USP34: variants seen among roughly 807,000 people sequenced by gnomAD.
The protein encoded by USP34 is ubiquitin specific peptidase 34.
USP34 carries 70 observed loss-of-function variants against 460.3 expected under a neutral mutation model. The ratio of observed to expected loss-of-function variants is 0.15; its 90% CI spans 0.13 to 0.19. USP34 has a LOEUF of 0.19. Ranked by LOEUF, USP34 falls within the 10% of genes least tolerant of loss-of-function variation. The probability of loss-of-function intolerance (pLI) is 1.00; values close to 1 mark genes in which losing one functional copy is unlikely to be tolerated. For missense variants in USP34, 3,985 were observed against 4,236.2 expected (o/e 0.94, Z 1.65); for synonymous variants, 1,647 against 1,405.3 (o/e 1.17, Z -3.85).
intron 35 of USP34, 68 bp downstream of exon 35, chr2:61,284,807 A>T: frequency 7.7e-7 from 1 of 1,306,024 alleles, no homozygotes; most frequent in Non-Finnish European, 1.0e-6. Context: ...GAATTTTTCA[A>T]AATAAAGTTT....
chr2:61,207,494 A>C (rs1687153270), intron 70 of USP34: 1 of 152,386 alleles, frequency 6.6e-6, no homozygotes, highest in Admixed American at 6.5e-5. Flanking sequence ...CCACAGTTCA[A>C]ATGTTAAAAT....
chr2:61,369,059 A>G (rs1281873527), intron 10 of USP34, among the ~76,000 whole-genome samples: 5 of 152,212 alleles, frequency 3.3e-5, no homozygotes, highest in Non-Finnish European at 7.3e-5. Flanking sequence ...GCTCTTAAAC[A>G]CAAGATTTGC....
intron 1 of USP34, among the ~76,000 whole-genome samples, chr2:61,459,013 C>T (rs1435428420): frequency 2.6e-5 from 4 of 152,086 alleles, no homozygotes; most frequent in Admixed American, 1.3e-4. Flanking sequence ...TTGCAGTGAG[C>T]CGAGACTGCG....
chr2:61,205,860 A>G (rs988925749), intron 72 of USP34, among the ~76,000 whole-genome samples, 157 bp downstream of exon 72: 1 of 152,216 alleles, frequency 6.6e-6, no homozygotes, highest in Non-Finnish European at 1.5e-5. Flanking sequence ...GCCAGTTAAG[A>G]AATTTTCTTT....
At chr2:61,468,245 G>A (rs1401661837) in intron 1 of USP34, among the ~76,000 whole-genome samples, 2 of 152,216 alleles carry the variant, frequency 1.3e-5, no homozygotes, top group African/African-American at 4.8e-5. Context: ...GAGTGCAATG[G>A]CACAATCTCG....
chr2:61,465,754 G>T (rs1304517575), intron 1 of USP34, among the ~76,000 whole-genome samples: 3 of 152,094 alleles, frequency 2.0e-5, no homozygotes, highest in Non-Finnish European at 4.4e-5. Context: ...GAGGCAGGTG[G>T]ATCACGAGGT....
intron 21 of USP34, among the ~76,000 whole-genome samples, chr2:61,324,588 C>G (rs1485514982): frequency 3.3e-5 from 5 of 152,046 alleles, no homozygotes; most frequent in Admixed American, 6.5e-5. Context: ...GCCTGGGCAA[C>G]ACAGTGAAAC....
At chr2:61,328,798 T>A (rs539602047) in intron 20 of USP34, among the ~76,000 whole-genome samples, 1 of 152,250 alleles carries the variant, frequency 6.6e-6, no homozygotes, top group African/African-American at 2.4e-5. Context: ...ATACTTAACG[T>A]TGGACTTTCT....
intron 5 of USP34, among the ~76,000 whole-genome samples, chr2:61,390,709 T>G (rs187012100): frequency 1.3e-4 from 20 of 152,202 alleles, no homozygotes; most frequent in Non-Finnish European, 2.6e-4. Context: ...TCTGATAAGG[T>G]AAGAATTTCC....
At chr2:61,367,303 T>TGCGCGCGCACACACACAC (rs1324320879) in intron 10 of USP34, among the ~76,000 whole-genome samples, 2 of 151,462 alleles carry the variant, frequency 1.3e-5, no homozygotes, top group African/African-American at 2.4e-5. Context: ...GAAGCACGAG[T>TGCGCGCGCACACACACAC]GCGCGCGCAC....
chr2:61,457,159 C>G (rs983867185), intron 1 of USP34, among the ~76,000 whole-genome samples: 2 of 152,104 alleles, frequency 1.3e-5, no homozygotes, highest in African/African-American at 4.8e-5. Flanking sequence ...GCTTATAGTC[C>G]CAGCTACTCA....
chr2:61,272,790 CTT>C lies in USP34; in HGVS notation c.5433+5373_5433+5374del, dbSNP rs1442903853. On this transcript the variant is annotated intron_variant, in intron 41 of 79. Coordinates refer to ENST00000398571, the MANE Select transcript of USP34 (RefSeq NM_014709.4). The stretch of plus-strand genomic sequence containing the variant: ...AATAAAGAATGCTAAGAACAACTAA[CTT>C]AACATTATTCTGAATGTTTCAGAAA... 3.3e-5 allele frequency among the ~76,000 whole-genome samples: 5 copies of C among 152,024 alleles called. No homozygotes were observed. The South Asian group carries it at 8.3e-4, about 25-fold the overall frequency.
chr2:61,303,090 G>C (rs1044734469), intron 27 of USP34, among the ~76,000 whole-genome samples: 1 of 150,532 alleles, frequency 6.6e-6, no homozygotes, highest in Admixed American at 6.6e-5. Context: ...TTTTTGAGAC[G>C]GAGTGTCACT....
chr2:61,280,408 A>G (rs1392184914), intron 38 of USP34, 60 bp from the exon 39 acceptor site: 3 of 835,788 alleles, frequency 3.6e-6, no homozygotes, highest in Non-Finnish European at 3.4e-6. Context: ...ATTATAATAC[A>G]TTTAAGAAAC....
chr2:61,437,383 G>C (rs1341473018), intron 1 of USP34, among the ~76,000 whole-genome samples: 2 of 152,198 alleles, frequency 1.3e-5, no homozygotes, highest in Admixed American at 6.5e-5. Flanking sequence ...AGGATCATTA[G>C]AGACTGCTGA....
intron 64 of USP34, 165 bp from the exon 65 acceptor site, chr2:61,222,828 T>C (rs949688616): frequency 3.6e-5 from 26 of 716,872 alleles, no homozygotes; most frequent in Non-Finnish European, 6.1e-5. Flanking sequence ...TCCGAGTGGC[T>C]GGGACTACAG....
At chr2:61,407,284 C>G (rs1693901411) in intron 2 of USP34, among the ~76,000 whole-genome samples, 1 of 150,978 alleles carries the variant, frequency 6.6e-6, no homozygotes, top group Non-Finnish European at 1.5e-5. Flanking sequence ...CCCAGCTATT[C>G]GAGAGGCTTG....
intron 27 of USP34, among the ~76,000 whole-genome samples, chr2:61,308,895 A>C (rs1026871902): frequency 2.0e-5 from 3 of 151,966 alleles, no homozygotes; most frequent in Admixed American, 1.3e-4. Context: ...ACAAAAAATT[A>C]CCCAGGGATG....
intron 23 of USP34, among the ~76,000 whole-genome samples, 168 bp downstream of exon 23, chr2:61,317,486 C>G (rs1469797777): frequency 1.3e-5 from 2 of 152,166 alleles, no homozygotes; most frequent in Non-Finnish European, 2.9e-5. Flanking sequence ...GAGATCACAC[C>G]ACTGCACTAC....
Sources: allele counts gnomAD v4.1 joint callset (sites outside exome capture counted in the v4.1 genomes callset), GRCh38; gene constraint gnomAD v4.1.1; transcripts MANE v1.5; gene names NCBI Gene and HGNC (gene_info 2026-07-23, HGNC 2026-07-21).